Variants in FRMD4A observed in about 807,000 individuals in gnomAD.
FRMD4A encodes the protein FERM domain-containing protein 4A.
In FRMD4A, 29 loss-of-function variants were observed where a neutral mutation model predicts 129.1. The observed-to-expected ratio is 0.22, with a 90% CI of 0.17 to 0.31. The LOEUF is 0.31. Ranked by LOEUF, FRMD4A falls within the 10% of genes least tolerant of loss-of-function variation. The pLI is 1.00. For synonymous variants in FRMD4A, 634 were observed against 571.6 expected, an observed-to-expected ratio of 1.11 and a Z score of -1.56; for missense variants, 1,272 against 1,375.8, an observed-to-expected ratio of 0.92 and a Z score of 1.19.
rs938834439 is a variant in FRMD4A, at chr10:13,929,473, G to C, written c.46-70561C>G. Reference sequence around the variant, plus strand: ...AAGGTTTGCCATGGTAGAGCCTGGTGGGGGAGCAGTGTTGTCCCTTCCAGA... The same window carrying C: ...AAGGTTTGCCATGGTAGAGCCTGGTCGGGGAGCAGTGTTGTCCCTTCCAGA... On this transcript the variant is annotated intron_variant, in intron 2 of 24. Coordinates refer to ENST00000357447, the MANE Select transcript of FRMD4A (RefSeq NM_018027.5). Among the ~76,000 whole-genome samples the C allele has an allele frequency of 5.9e-5, 9 of 152,184 alleles. No individual in the cohort carries two copies. The East Asian group carries it at 1.7e-3, about 29-fold the overall frequency.
intron 3 of FRMD4A, among the ~76,000 whole-genome samples, chr10:13,854,859 C>A (rs1315208669): frequency 1.3e-5 from 2 of 152,138 alleles, no homozygotes; most frequent in South Asian, 2.1e-4. Flanking sequence ...TGTCCACAAC[C>A]AAGGCTGCAG....
intron 3 of FRMD4A, among the ~76,000 whole-genome samples, chr10:13,818,351 G>T (rs1383307622): frequency 1.3e-5 from 2 of 151,610 alleles, no homozygotes; most frequent in African/African-American, 4.8e-5. Flanking sequence ...ATTTTTTTTT[G>T]TAAAGATGGA....
chr10:14,250,567 C>T (rs1844403643), intron 2 of FRMD4A, among the ~76,000 whole-genome samples: 1 of 152,196 alleles, frequency 6.6e-6, no homozygotes, highest in African/African-American at 2.4e-5. Context: ...TCTTGTAGAA[C>T]CAACAAAGTG....
At chr10:14,158,863 A>G (rs1365592399) in intron 2 of FRMD4A, among the ~76,000 whole-genome samples, 2 of 151,456 alleles carry the variant, frequency 1.3e-5, no homozygotes, top group Admixed American at 6.6e-5. Context: ...GAGGAGGAGG[A>G]GGAGGAGGAG....
At chr10:14,249,555 A>G (rs952446965) in intron 2 of FRMD4A, among the ~76,000 whole-genome samples, 1 of 152,180 alleles carries the variant, frequency 6.6e-6, no homozygotes, top group African/African-American at 2.4e-5. Flanking sequence ...TTCCCTTTCC[A>G]GAACTTCAGT....
intron 2 of FRMD4A, among the ~76,000 whole-genome samples, chr10:14,327,748 A>C (rs965050471): frequency 1.3e-5 from 2 of 152,150 alleles, no homozygotes; most frequent in Non-Finnish European, 2.9e-5. Context: ...ACTGCAATCC[A>C]CCAACCTGGT....
intron 15 of FRMD4A, among the ~76,000 whole-genome samples, chr10:13,679,831 T>C (rs1351910969): frequency 1.3e-5 from 2 of 152,088 alleles, no homozygotes; most frequent in African/African-American, 4.8e-5. Flanking sequence ...TAAGCAAACG[T>C]GGCCACCAAG....
In FRMD4A at chr10:13,654,525, G is replaced by A; in HGVS notation, c.2954-13C>T. 1.9e-6 allele frequency: 3 copies of A among 1,578,580 alleles called. No homozygotes were observed. The highest frequency in any genetic ancestry group is 2.6e-6 in the Non-Finnish European group (3 of 1,148,498). On this transcript the variant is annotated splice_polypyrimidine_tract_variant and intron_variant, in intron 22 of 24. Transcript: ENST00000357447. Reference sequence around the variant, plus strand: ...TGAGGTAAGGCAGCTACATGCAGGTGGTGCAAGAAAGGCAGAGAGCAGACA... The same window carrying A: ...TGAGGTAAGGCAGCTACATGCAGGTAGTGCAAGAAAGGCAGAGAGCAGACA...
chr10:14,299,280 G>A (rs575787256), intron 2 of FRMD4A, among the ~76,000 whole-genome samples: 1 of 152,304 alleles, frequency 6.6e-6, no homozygotes, highest in African/African-American at 2.4e-5. Context: ...ATAGCCTCTG[G>A]CTGCAAAACC....
intron 2 of FRMD4A, among the ~76,000 whole-genome samples, chr10:14,297,473 G>A (rs1200052654): frequency 6.6e-6 from 1 of 152,136 alleles, no homozygotes; most frequent in Non-Finnish European, 1.5e-5. Flanking sequence ...GTGTAAGGAA[G>A]TATGGATGGC....
At chr10:13,803,476 T>G (rs2093298442) in intron 4 of FRMD4A, among the ~76,000 whole-genome samples, 1 of 151,914 alleles carries the variant, frequency 6.6e-6, no homozygotes, top group African/African-American at 2.4e-5. Flanking sequence ...GGACTACAGG[T>G]GCACACCACC....
intron 2 of FRMD4A, among the ~76,000 whole-genome samples, chr10:14,157,610 G>A (rs565258769): frequency 1.3e-5 from 2 of 152,350 alleles, no homozygotes; most frequent in Admixed American, 6.5e-5. Context: ...AGCCCTTGCT[G>A]TGGGTGAGCT....
chr10:13,925,834 C>T (rs929316529), intron 2 of FRMD4A, among the ~76,000 whole-genome samples: 5 of 150,794 alleles, frequency 3.3e-5, no homozygotes, highest in African/African-American at 9.7e-5. Context: ...CTGCCCACCT[C>T]GGCCTCCCAG....
chr10:13,744,113 G>A (rs2091164677), intron 9 of FRMD4A, among the ~76,000 whole-genome samples: 1 of 152,174 alleles, frequency 6.6e-6, no homozygotes, highest in South Asian at 2.1e-4. Flanking sequence ...AGGGGAAACA[G>A]GGATGGTGAT....
At chr10:14,206,084 C>T (rs1422412378) in intron 2 of FRMD4A, among the ~76,000 whole-genome samples, 1 of 152,200 alleles carries the variant, frequency 6.6e-6, no homozygotes, top group African/African-American at 2.4e-5. Flanking sequence ...GTCTGCCTCA[C>T]TGTGTGATGG....
intron 2 of FRMD4A, among the ~76,000 whole-genome samples, chr10:14,260,023 CAA>C (rs11288245): frequency 0.033 from 4,341 of 132,668 alleles, 89 homozygotes; most frequent in South Asian, 0.085. Flanking sequence ...CTAGAAATGG[CAA>C]AAAAAAAAAA....
At chr10:13,681,874 G>A (rs572254487) in intron 15 of FRMD4A, among the ~76,000 whole-genome samples, 48 of 152,248 alleles carry the variant, frequency 3.2e-4, no homozygotes, top group African/African-American at 1.2e-3. Context: ...AAGATGCTTG[G>A]AAGAGAGGTG....
intron 2 of FRMD4A, among the ~76,000 whole-genome samples, chr10:14,198,834 C>T (rs560671674): frequency 5.5e-4 from 83 of 152,234 alleles, no homozygotes; most frequent in Non-Finnish European, 9.1e-4. Context: ...GCTGCGAGAC[C>T]GCTCTAAGTC....
Position 13,660,398 on chromosome 10 carries a change from T to C in FRMD4A, c.1816A>G (p.Ile606Val), listed in dbSNP as rs2082544498. ...GACTCACTCCACATTTTGGGCTTGA[T>C]GGGTGACTTGTCATAGTCGTTGCGG... ...YHRNDYDKSP[I>V]KPKMWSESSL... Residue 606 changes from isoleucine (I) to valine (V), a missense_variant, in exon 20 of 25, where the codon ATC becomes GTC. Coordinates refer to ENST00000357447, the MANE Select transcript of FRMD4A (RefSeq NM_018027.5). The C allele has an allele frequency of 3.1e-6, 5 of 1,614,174 alleles. No individual in the cohort carries two copies. The highest frequency in any genetic ancestry group is 4.2e-6 in the Non-Finnish European group (5 of 1,180,008).
Sources: gnomAD v4.1 joint callset for allele counts (sites outside exome capture counted in the v4.1 genomes callset) on GRCh38, gnomAD v4.1.1 for gene constraint, MANE v1.5 for transcripts, NCBI Gene and HGNC (gene_info 2026-07-23, HGNC 2026-07-21) for gene names.